RTF2: variants seen among roughly 807,000 people sequenced by gnomAD.
RTF2 encodes the protein UPF0549 protein C20orf43.
In RTF2, 18 loss-of-function variants were observed where a neutral mutation model predicts 38.0. The ratio of observed to expected loss-of-function variants is 0.47; its 90% CI spans 0.33 to 0.70. The LOEUF (loss-of-function observed/expected upper bound fraction) is 0.70, where lower values mean the gene tolerates loss of function less well. RTF2 is among the 30% of genes least tolerant of loss of function. RTF2 has a pLI of 0.02. For missense variants in RTF2, 311 were observed against 379.6 expected, an observed-to-expected ratio of 0.82 and a Z score of 1.50; for synonymous variants, 126 against 137.1, an observed-to-expected ratio of 0.92 and a Z score of 0.57.
rs573593705 is a variant in RTF2, at chr20:56,518,405, G to A, written c.*140G>A. On this transcript the variant is annotated 3_prime_UTR_variant, in exon 9 of 9. Transcript: ENST00000357348. ...AGCTGTCCTGGCCAGCCTTCAAGCT[G>A]GTGTGGCCACTCTTGATGTGAGGCG... The A allele has an allele frequency of 1.1e-3, 899 of 827,980 alleles. 7 individuals carry two copies. The African/African-American group carries it at 0.014, about 13-fold the overall frequency. 51.3% of individuals were successfully genotyped at this position (827,980 alleles called of 1,614,324 possible).
chr20:56,492,710 G>T (rs1243455300), intron 5 of RTF2, among the ~76,000 whole-genome samples: 1 of 151,988 alleles, frequency 6.6e-6, no homozygotes, highest in East Asian at 1.9e-4. Context: ...ACACTCTGAA[G>T]TGGATTCCAT....
intron 2 of RTF2, among the ~76,000 whole-genome samples, 165 bp downstream of exon 2, chr20:56,473,560 A>C (rs539246090): frequency 6.6e-6 from 1 of 152,128 alleles, no homozygotes; most frequent in Non-Finnish European, 1.5e-5. Context: ...TCTTCTAGTC[A>C]GTTTGGTTTA....
At chr20:56,474,092 A>G (rs6024902) in intron 2 of RTF2, among the ~76,000 whole-genome samples, 125,995 of 152,208 alleles carry the variant, frequency 0.83, 52,374 homozygotes, top group East Asian at 0.99. Flanking sequence ...TAAAAAAAGA[A>G]GAAATACGTA....
chr20:56,510,231 G>A (rs116396475), intron 5 of RTF2, among the ~76,000 whole-genome samples: 1,649 of 152,298 alleles, frequency 0.011, 35 homozygotes, highest in African/African-American at 0.038. Context: ...ATTATGTTAT[G>A]TAAATGAGAT....
At chr20:56,487,873 T>C (rs906020298) in intron 5 of RTF2, among the ~76,000 whole-genome samples, 2 of 152,204 alleles carry the variant, frequency 1.3e-5, no homozygotes, top group Non-Finnish European at 2.9e-5. Context: ...GTGTCCACAT[T>C]TTCCCTTATT....
chr20:56,497,113 TAAA>T, intron 5 of RTF2: 1 of 1,551,582 alleles, frequency 6.4e-7, no homozygotes, highest in Non-Finnish European at 8.7e-7. Context: ...TTGGAGGAAA[TAAA>T]AACGTTTTCA....
At chr20:56,510,511 A>G (rs1428286979) in intron 5 of RTF2, among the ~76,000 whole-genome samples, 1 of 152,236 alleles carries the variant, frequency 6.6e-6, no homozygotes, top group Admixed American at 6.5e-5. Context: ...GGAAGACAGA[A>G]GTTTCATAGA....
chr20:56,469,649 G>A (rs1981856554), intron 1 of RTF2, among the ~76,000 whole-genome samples: 1 of 152,166 alleles, frequency 6.6e-6, no homozygotes, highest in Non-Finnish European at 1.5e-5. Context: ...TCTGATTCAG[G>A]AGCTGGAGAG....
chr20:56,517,008 T>C lies in RTF2; in HGVS notation c.646+19T>C, dbSNP rs1028179411. 2 of 1,612,794 alleles carry C rather than the reference T, an allele frequency of 1.2e-6. No homozygotes were observed. The highest frequency in any genetic ancestry group is 2.7e-5 in the African/African-American group (2 of 74,916). ...AGTGAAGGTAAGATCCTTCAAGAGA[T>C]CCTTATTTTAGCAAAATGCGACTCT... On this transcript the variant is annotated intron_variant, in intron 7 of 8. Transcript: ENST00000357348.
intron 5 of RTF2, among the ~76,000 whole-genome samples, chr20:56,492,103 GT>G (rs561794466): frequency 1.3e-5 from 2 of 152,074 alleles, no homozygotes; most frequent in Non-Finnish European, 2.9e-5. Flanking sequence ...TAAAATCTCA[GT>G]TCCGATAGAT....
chr20:56,471,427 G>T (rs6092318), intron 1 of RTF2, among the ~76,000 whole-genome samples: 12,095 of 152,100 alleles, frequency 0.08, 1,264 homozygotes, highest in East Asian at 0.26. Flanking sequence ...AAGTTGCCGG[G>T]CATGGTGGCA....
chr20:56,489,714 A>T (rs1982997282), intron 5 of RTF2, among the ~76,000 whole-genome samples: 2 of 152,240 alleles, frequency 1.3e-5, no homozygotes, highest in South Asian at 4.1e-4. Flanking sequence ...GACTGGGTGT[A>T]CCACGGGTTG....
At chr20:56,490,899 T>C (rs1465483646) in intron 5 of RTF2, among the ~76,000 whole-genome samples, 1 of 152,232 alleles carries the variant, frequency 6.6e-6, no homozygotes, top group Non-Finnish European at 1.5e-5. Flanking sequence ...GCTCCAGCCA[T>C]GTTTCCAATG....
rs1487428433 is a variant in RTF2, at chr20:56,491,537, A to G, written c.477+7348A>G. 4.3e-6 allele frequency: 6 copies of G among 1,409,990 alleles called. No homozygotes were observed. In the Admixed American group the frequency reaches 7.9e-5, roughly 19 times the overall value. The allele number at this position is 1,409,990 out of a possible 1,614,324, so 87.3% of individuals were successfully genotyped here. ...CAAGTCAAGGAAACAGAATGATACCAGTAAGAAAGCAAACACTCCCTAGCG... is the reference window on the plus strand; with the variant it reads ...CAAGTCAAGGAAACAGAATGATACCGGTAAGAAAGCAAACACTCCCTAGCG... On this transcript the variant is annotated intron_variant, in intron 5 of 8. Transcript: ENST00000357348.
Position 56,515,691 on chromosome 20 carries a change from C to CAG in RTF2, c.592-1243_592-1242insGA, listed in dbSNP as rs1305716905. On this transcript the variant is annotated intron_variant, in intron 6 of 8. Transcript: ENST00000357348. ...ACACACACACACACACACACACACACACGGAAAAAATGCATTTCAAAGGAA... is the reference window on the plus strand; with the variant it reads ...ACACACACACACACACACACACACACAGACGGAAAAAATGCATTTCAAAGGAA... 3.3e-5 allele frequency: 5 copies of CAG among 151,960 alleles called. No homozygotes were observed. In the East Asian group the frequency reaches 9.7e-4, roughly 29 times the overall value. 9.4% of individuals were successfully genotyped at this position (151,960 alleles called of 1,614,324 possible).
In RTF2 at chr20:56,474,365, C is replaced by T. The variant is rs553315481; in HGVS notation, c.165-313C>T. Among the ~76,000 whole-genome samples, 212 of 152,270 alleles carry T rather than the reference C, an allele frequency of 1.4e-3. 1 individual carries two copies. The highest frequency in any genetic ancestry group is 6.8e-3 in the Middle Eastern group (2 of 294). On this transcript the variant is annotated intron_variant, in intron 2 of 8. Coordinates refer to ENST00000357348, the MANE Select transcript of RTF2 (RefSeq NM_016407.5). ...GCATGGTGGCAGGCGCCTGTAATCC[C>T]AGCTGCTCGGGAGGCTGAGGCAGGA...
intron 5 of RTF2, among the ~76,000 whole-genome samples, chr20:56,496,424 T>C (rs531940483): frequency 2.0e-5 from 3 of 152,194 alleles, no homozygotes; most frequent in Admixed American, 2.0e-4. Flanking sequence ...GGTGGGCGCC[T>C]GTAATCCCAG....
intron 1 of RTF2, among the ~76,000 whole-genome samples, chr20:56,473,085 T>C (rs1194196530): frequency 1.3e-5 from 2 of 152,092 alleles, no homozygotes; most frequent in Non-Finnish European, 2.9e-5. Flanking sequence ...GAGTGAAGAT[T>C]GCGCCACTAC....
chr20:56,476,990 G>T lies in RTF2; in HGVS notation c.264G>T (p.Val88=). 1 of 1,613,920 alleles carries T rather than the reference G, an allele frequency of 6.2e-7. No individual in the cohort carries two copies. The highest frequency in any genetic ancestry group is 1.1e-5 in the South Asian group (1 of 91,050). ...ATATTAATGGTTTTTCCCAGAATGT[G>T]ACAGAGCTGAAGCTTTCTGATAATC... The part of the protein sequence containing the change: ...AASHIKSIKN[V]TELKLSDNPA... The change falls in exon 4 of 9, where the codon GTG becomes GTT. Residue 88 remains valine, a synonymous_variant. Coordinates refer to ENST00000357348, the MANE Select transcript of RTF2 (RefSeq NM_016407.5).
Sources: allele counts gnomAD v4.1 joint callset (sites outside exome capture counted in the v4.1 genomes callset), GRCh38; gene constraint gnomAD v4.1.1; transcripts MANE v1.5; gene names NCBI Gene and HGNC (gene_info 2026-07-23, HGNC 2026-07-21).